DTNA: variants seen among roughly 807,000 people sequenced by gnomAD.
DTNA encodes the protein dystrophin-related protein 3.
DTNA carries 43 observed loss-of-function variants against 100.7 expected under a neutral mutation model. The ratio of observed to expected loss-of-function variants is 0.43; its 90% CI spans 0.33 to 0.55. DTNA has a LOEUF of 0.55. DTNA is among the 20% of genes least tolerant of loss of function. The pLI is 0.04. For missense variants in DTNA, 798 were observed against 953.9 expected, an observed-to-expected ratio of 0.84 and a Z score of 2.15; for synonymous variants, 349 against 347.9, an observed-to-expected ratio of 1.00 and a Z score of -0.04.
intron 1 of DTNA, among the ~76,000 whole-genome samples, chr18:34,592,639 T>G (rs1221906702): frequency 6.6e-6 from 1 of 152,004 alleles, no homozygotes; most frequent in African/African-American, 2.4e-5. Context: ...TTACAACAAG[T>G]TTTTCTCTAA....
intron 1 of DTNA, among the ~76,000 whole-genome samples, chr18:34,518,510 T>C (rs192785067): frequency 6.6e-6 from 1 of 152,246 alleles, no homozygotes. Context: ...CCTAAATCTC[T>C]ATCCTGAAGA....
intron 1 of DTNA, among the ~76,000 whole-genome samples, chr18:34,632,752 CTT>C (rs1357819748): frequency 6.6e-6 from 1 of 152,256 alleles, no homozygotes; most frequent in Middle Eastern, 3.4e-3. Context: ...AAGATTTTCT[CTT>C]GTTTTTCAAC....
intron 1 of DTNA, among the ~76,000 whole-genome samples, chr18:34,556,296 C>T (rs917106121): frequency 1.3e-5 from 2 of 152,124 alleles, no homozygotes; most frequent in Non-Finnish European, 2.9e-5. Flanking sequence ...CTGAATACAG[C>T]ACACTGATGG....
intron 1 of DTNA, among the ~76,000 whole-genome samples, chr18:34,668,049 C>T (rs1464993900): frequency 7.2e-5 from 11 of 152,140 alleles, no homozygotes; most frequent in Middle Eastern, 3.4e-3. Flanking sequence ...TGAATCCATC[C>T]GGTCCTGGAC....
intron 1 of DTNA, among the ~76,000 whole-genome samples, chr18:34,519,462 TA>T (rs2145171968): frequency 6.6e-6 from 1 of 152,186 alleles, no homozygotes; most frequent in East Asian, 1.9e-4. Flanking sequence ...AATAAATAAA[TA>T]ACTCTTCTGA....
intron 1 of DTNA, among the ~76,000 whole-genome samples, chr18:34,609,848 C>G (rs2053887306): frequency 6.6e-6 from 1 of 152,046 alleles, no homozygotes; most frequent in African/African-American, 2.4e-5. Flanking sequence ...TGAAATATGC[C>G]ATTTTGAAAA....
At chr18:34,533,099 A>C (rs890179867) in intron 1 of DTNA, among the ~76,000 whole-genome samples, 1 of 152,012 alleles carries the variant, frequency 6.6e-6, no homozygotes, top group Admixed American at 6.6e-5. Context: ...GGCTGGATGC[A>C]GTGGCTCATT....
intron 1 of DTNA, among the ~76,000 whole-genome samples, chr18:34,533,295 C>A (rs2043334273): frequency 6.6e-6 from 1 of 151,348 alleles, no homozygotes; most frequent in African/African-American, 2.4e-5. Flanking sequence ...ACACTTGAAC[C>A]CGGGAGGCGA....
chr18:34,719,459 C>T lies in DTNA; in HGVS notation c.-2+9014C>T, dbSNP rs761683442. ...TTTTACAGATGAAGAAATTAAGGCC[C>T]GAGAGGTTAAGTAATCCCCCAAACA... On this transcript the variant is annotated intron_variant, in intron 1 of 22. Coordinates refer to ENST00000444659, the MANE Select transcript of DTNA (RefSeq NM_001386795.1). Among the ~76,000 whole-genome samples the T allele has an allele frequency of 7.9e-5, 12 of 152,152 alleles. 1 individual carries two copies. The highest frequency in any genetic ancestry group is 1.3e-4 in the Non-Finnish European group (9 of 68,002).
chr18:34,833,404 C>CTGTGTGTGTG lies in DTNA; in HGVS notation c.1175+3938_1175+3947dup, dbSNP rs58409064. 5.2e-3 allele frequency among the ~76,000 whole-genome samples: 751 copies of CTGTGTGTGTG among 144,992 alleles called. 5 individuals are homozygous for CTGTGTGTGTG. The highest frequency in any genetic ancestry group is 0.017 in the African/African-American group (660 of 39,768). On this transcript the variant is annotated intron_variant, in intron 11 of 22. Coordinates refer to ENST00000444659, the MANE Select transcript of DTNA (RefSeq NM_001386795.1). ...TACTTTTCCAGAACCCATTGTGTCA[C>CTGTGTGTGTG]TGTGTGTGTGTGTGTGTGTGTGTGT...
chr18:34,637,424 G>A (rs1163177993), intron 1 of DTNA, among the ~76,000 whole-genome samples: 1 of 152,172 alleles, frequency 6.6e-6, no homozygotes, highest in Non-Finnish European at 1.5e-5. Flanking sequence ...TTCTTCCCCA[G>A]AACTGGATGG....
chr18:34,802,433 A>G (rs2095247515), intron 4 of DTNA, among the ~76,000 whole-genome samples: 1 of 152,190 alleles, frequency 6.6e-6, no homozygotes, highest in African/African-American at 2.4e-5. Context: ...AACAGATTTT[A>G]TTGGCTGTTT....
chr18:34,548,528 T>C (rs2045048376), intron 1 of DTNA, among the ~76,000 whole-genome samples: 1 of 152,096 alleles, frequency 6.6e-6, no homozygotes, highest in South Asian at 2.1e-4. Flanking sequence ...ATTTAGAGTA[T>C]TGAAAGGAAA....
At chr18:34,745,360 T>A (rs945173627) in intron 1 of DTNA, among the ~76,000 whole-genome samples, 28 of 152,298 alleles carry the variant, frequency 1.8e-4, no homozygotes, top group African/African-American at 6.0e-4. Flanking sequence ...AGATCACAAT[T>A]AGCCCATGGC....
rs1256989002 is a variant in DTNA at position 34,834,503 on chromosome 18, C to CA, written c.1176-3579dup. Reference sequence around the variant, plus strand: ...GGGCAACAAGAGTGAAACTCCGTCTCAAAAAAAAAAAAGAGGTTTATTTGG... The same window carrying CA: ...GGGCAACAAGAGTGAAACTCCGTCTCAAAAAAAAAAAAAGAGGTTTATTTGG... On this transcript the variant is annotated intron_variant, in intron 11 of 22. Transcript: ENST00000444659. Among the ~76,000 whole-genome samples, 515 of 138,740 alleles carry CA rather than the reference C, an allele frequency of 3.7e-3. 4 individuals are homozygous for CA. The highest frequency in any genetic ancestry group is 0.01 in the East Asian group (50 of 4,878). 91.0% of individuals were successfully genotyped at this position (138,740 alleles called of 152,430 possible).
At chr18:34,794,383 T>G (rs2094882658) in intron 4 of DTNA, 133 bp downstream of exon 4, 4 of 978,260 alleles carry the variant, frequency 4.1e-6, no homozygotes, top group Non-Finnish European at 6.2e-6. Context: ...CAGTGGATGC[T>G]TATGTCAGTA....
intron 1 of DTNA, among the ~76,000 whole-genome samples, chr18:34,688,850 C>G (rs1230391611): frequency 6.6e-6 from 1 of 152,018 alleles, no homozygotes; most frequent in South Asian, 2.1e-4. Flanking sequence ...CCTTTTCATT[C>G]TTTTTTCTCT....
At chr18:34,596,562 A>G (rs539064731) in intron 1 of DTNA, among the ~76,000 whole-genome samples, 157 of 152,296 alleles carry the variant, frequency 1.0e-3, no homozygotes, top group Admixed American at 1.2e-3. Context: ...TACATCAGGT[A>G]ATACATACAA....
intron 3 of DTNA, among the ~76,000 whole-genome samples, chr18:34,776,335 A>G (rs747223367): frequency 2.0e-5 from 3 of 152,026 alleles, no homozygotes; most frequent in Non-Finnish European, 2.9e-5. Flanking sequence ...GAAATAACAT[A>G]TGAGTATTTT....
Sources: allele counts gnomAD v4.1 joint callset (sites outside exome capture counted in the v4.1 genomes callset), GRCh38; gene constraint gnomAD v4.1.1; transcripts MANE v1.5; gene names NCBI Gene and HGNC (gene_info 2026-07-23, HGNC 2026-07-21).